The following PCDH11X variants were observed in gnomAD, a reference collection of about 807,000 sequenced individuals.
PCDH11X encodes protocadherin 11 X-linked.
A neutral mutation model predicts 53.3 loss-of-function variants in PCDH11X; 18 were observed. The ratio of observed to expected loss-of-function variants is 0.34; its 90% CI spans 0.23 to 0.50. The LOEUF (loss-of-function observed/expected upper bound fraction) is 0.50. Ranked by LOEUF, PCDH11X falls within the 20% of genes least tolerant of loss-of-function variation. The probability of loss-of-function intolerance (pLI) is 0.98; values close to 1 mark genes in which losing one functional copy is unlikely to be tolerated. For synonymous variants in PCDH11X, 279 were observed against 393.3 expected, an observed-to-expected ratio of 0.71 and a Z score of 3.44; for missense variants, 570 against 1,032.4, an observed-to-expected ratio of 0.55 and a Z score of 6.14.
chrX:91,961,266 A>T (rs2147888421), intron 6 of PCDH11X, among the ~76,000 whole-genome samples: 1 of 87,355 alleles, frequency 1.1e-5, no homozygotes, highest in African/African-American at 4.3e-5. Flanking sequence ...GCAGAAAAAC[A>T]ATTTGACAAG....
chrX:92,613,176 T>C (rs1166345496), intron 10 of PCDH11X, among the ~76,000 whole-genome samples: 2 of 109,818 alleles, frequency 1.8e-5, no homozygotes, highest in Non-Finnish European at 3.8e-5. Flanking sequence ...TGTTTCCTAT[T>C]TTGTGGTTGC....
At position 92,517,249 on chromosome X, in the gene PCDH11X, A is replaced by G. The variant is rs1457006451; in HGVS notation, c.3367+48927A>G. Among the ~76,000 whole-genome samples the G allele has an allele frequency of 1.4e-4, 16 of 111,709 alleles. No homozygotes were observed. The Admixed American group carries it at 1.5e-3, about 11-fold the overall frequency. ...ATTTAAAAAACCCAAAATACAAAAA[A>G]CAGAGCTTGAGTGTGTGTGTGCGTG... On this transcript the variant is annotated intron_variant, in intron 10 of 10. Transcript: ENST00000682573.
chrX:92,449,559 G>T (rs1320363128), intron 9 of PCDH11X, among the ~76,000 whole-genome samples: 2 of 111,774 alleles, frequency 1.8e-5, no homozygotes, highest in Non-Finnish European at 3.8e-5. Context: ...TGTGGAAATT[G>T]AGGCTGGAGA....
chrX:92,129,290 C>T (rs2064928247), intron 6 of PCDH11X, among the ~76,000 whole-genome samples: 1 of 110,598 alleles, frequency 9.0e-6, no homozygotes, highest in African/African-American at 3.3e-5. Context: ...ATTCACGAGG[C>T]TGAGGCAGGA....
chrX:92,395,727 C>A (rs1417252472), intron 9 of PCDH11X, among the ~76,000 whole-genome samples: 2 of 110,982 alleles, frequency 1.8e-5, no homozygotes, highest in Non-Finnish European at 1.9e-5. Flanking sequence ...AGATTTGGCC[C>A]TTTTAAGCAA....
chrX:91,882,268 A>G (rs1324186994), intron 6 of PCDH11X, among the ~76,000 whole-genome samples: 3 of 110,863 alleles, frequency 2.7e-5, no homozygotes, highest in African/African-American at 6.6e-5. Flanking sequence ...GAAATTTGAG[A>G]GGATGAGGCT....
chrX:91,873,219 T>C (rs1270287234), intron 5 of PCDH11X, among the ~76,000 whole-genome samples: 2 of 110,658 alleles, frequency 1.8e-5, no homozygotes, highest in South Asian at 7.7e-4. Context: ...CTTAGGATAG[T>C]ACAGTTCAAT....
intron 8 of PCDH11X, among the ~76,000 whole-genome samples, chrX:92,358,163 G>A (rs1269963997): frequency 9.6e-6 from 1 of 104,055 alleles, no homozygotes; most frequent in Non-Finnish European, 2.0e-5. Flanking sequence ...ATCTGGAATG[G>A]ATTCCATAGC....
At position 92,400,040 on chromosome X, in the gene PCDH11X, C is replaced by G. The variant is rs757196745; in HGVS notation, c.3343+12107C>G. ...TGCTGGGATTACAGGCGTGAGCCAC[C>G]GTGCCCGGCCTTTTTCTGATAATTT... On this transcript the variant is annotated intron_variant, in intron 9 of 10. Coordinates refer to ENST00000682573, the MANE Select transcript of PCDH11X (RefSeq NM_032968.5). Among the ~76,000 whole-genome samples the G allele has an allele frequency of 2.8e-5, 3 of 106,984 alleles. No individual in the cohort carries two copies. In the South Asian group the frequency reaches 1.3e-3, roughly 47 times the overall value. The allele number at this position is 106,984 out of a possible 115,157, so 92.9% of individuals were successfully genotyped here. A position where few individuals can be genotyped will look rare whatever the true frequency, so the allele number is the denominator to read the frequency against.
chrX:92,614,179 C>A (rs1230631413), intron 10 of PCDH11X, among the ~76,000 whole-genome samples: 2 of 110,685 alleles, frequency 1.8e-5, no homozygotes, highest in Admixed American at 1.9e-4. Context: ...AGGGGTACTG[C>A]AATTCTATGG....
At chrX:92,305,873 A>G (rs1013889076) in intron 8 of PCDH11X, among the ~76,000 whole-genome samples, 4 of 107,475 alleles carry the variant, frequency 3.7e-5, no homozygotes, top group African/African-American at 1.4e-4. Flanking sequence ...AAAAGAATAA[A>G]CATCTTTTTT....
chrX:91,997,523 T>C (rs1210075039), intron 6 of PCDH11X, among the ~76,000 whole-genome samples: 1 of 112,101 alleles, frequency 8.9e-6, no homozygotes, highest in East Asian at 2.8e-4. Context: ...ATCATATTTA[T>C]TGATTTGTAT....
chrX:91,782,557 C>T (rs972512430), intron 1 of PCDH11X, among the ~76,000 whole-genome samples: 31 of 108,894 alleles, frequency 2.8e-4, no homozygotes, highest in African/African-American at 9.7e-4. Flanking sequence ...CTCTAGAAGG[C>T]GGGGAGGGTC....
intron 8 of PCDH11X, among the ~76,000 whole-genome samples, chrX:92,273,025 A>C (rs1244224994): frequency 9.0e-6 from 1 of 111,605 alleles, no homozygotes; most frequent in Non-Finnish European, 1.9e-5. Flanking sequence ...TAGATATATT[A>C]TTTTCTTGTT....
At chrX:92,481,541 G>C (rs766869685) in intron 10 of PCDH11X, among the ~76,000 whole-genome samples, 9 of 109,587 alleles carry the variant, frequency 8.2e-5, no homozygotes, top group Non-Finnish European at 1.5e-4. Context: ...CAGGGCACCA[G>C]AGGTTGCACC....
chrX:92,229,629 G>A (rs1339781329), intron 7 of PCDH11X, among the ~76,000 whole-genome samples: 1 of 111,409 alleles, frequency 9.0e-6, no homozygotes, highest in Non-Finnish European at 1.9e-5. Flanking sequence ...TATCAAAAGA[G>A]TGGCAGAGGT....
chrX:91,856,623 C>T (rs1162528625), intron 5 of PCDH11X, among the ~76,000 whole-genome samples: 1 of 110,528 alleles, frequency 9.0e-6, no homozygotes, highest in Non-Finnish European at 1.9e-5. Flanking sequence ...CCTAACTGGC[C>T]TCAGTGTGTG....
chrX:92,480,752 A>G (rs1325067051), intron 10 of PCDH11X, among the ~76,000 whole-genome samples: 1 of 111,543 alleles, frequency 9.0e-6, no homozygotes, highest in African/African-American at 3.3e-5. Context: ...CAGACTACTG[A>G]TCACTACACT....
intron 8 of PCDH11X, among the ~76,000 whole-genome samples, chrX:92,346,304 C>T (rs1354664281): frequency 9.0e-6 from 1 of 111,099 alleles, no homozygotes; most frequent in Non-Finnish European, 1.9e-5. Flanking sequence ...TGTCAGTGAA[C>T]CATTCAGATG....
Sources: gnomAD v4.1 joint callset for allele counts (sites outside exome capture counted in the v4.1 genomes callset) on GRCh38, gnomAD v4.1.1 for gene constraint, MANE v1.5 for transcripts, NCBI Gene and HGNC (gene_info 2026-07-23, HGNC 2026-07-21) for gene names.